The following ANAPC11 variants were observed in gnomAD, a reference collection of about 807,000 sequenced individuals.
The protein encoded by ANAPC11 is anaphase promoting complex subunit 11, also known as anaphase-promoting complex subunit 11.
Under a neutral mutation model 11.8 loss-of-function variants are expected in ANAPC11, and 5 were observed. That is an observed-to-expected ratio of 0.42 (90% CI 0.22 to 0.89). The LOEUF is 0.89. Among genes scored for constraint, ANAPC11 ranks in the 40% least tolerant of loss-of-function variants. The pLI is 0.28. For synonymous variants in ANAPC11, 45 were observed against 41.0 expected, an observed-to-expected ratio of 1.10 and a Z score of -0.38; for missense variants, 68 against 112.9, an observed-to-expected ratio of 0.60 and a Z score of 1.80.
At chr17:81,891,043 G>A, upstream of ANAPC11, 1 of 721,172 alleles carries the variant, frequency 1.4e-6, no homozygotes, top group Non-Finnish European at 2.2e-6. Context: ...CCCGCCGCCT[G>A]TGCCGCGCCC....
intron 3 of ANAPC11, chr17:81,899,642 G>A: frequency 1.5e-6 from 2 of 1,354,964 alleles, no homozygotes; most frequent in Middle Eastern, 5.1e-4. Context: ...GCTCCCCACT[G>A]AGCATGATGA....
At chr17:81,890,834 C>T, upstream of ANAPC11, 2 of 1,614,084 alleles carry the variant, frequency 1.2e-6, no homozygotes, top group Non-Finnish European at 1.7e-6. Context: ...AAAAAAAAAC[C>T]GCAACAAGAG....
chr17:81,894,873 A>G (rs1439541080), intron 3 of ANAPC11: 4 of 342,292 alleles, frequency 1.2e-5, no homozygotes, highest in South Asian at 1.8e-4. Flanking sequence ...ATGTGCCACC[A>G]TGCTGGGCTA....
At chr17:81,891,561 G>A (rs2039530554), upstream of ANAPC11, 2 of 1,438,678 alleles carry the variant, frequency 1.4e-6, no homozygotes, top group Non-Finnish European at 1.8e-6. Flanking sequence ...GTCGGCCATG[G>A]CGGGCGCGGA....
upstream of ANAPC11, chr17:81,890,900 C>T: frequency 1.3e-6 from 2 of 1,589,028 alleles, no homozygotes; most frequent in Non-Finnish European, 1.7e-6. Flanking sequence ...ACTCCGGACC[C>T]TTCCTCTTCC....
upstream of ANAPC11, chr17:81,891,422 C>A (rs1293386641): frequency 4.9e-6 from 5 of 1,022,626 alleles, no homozygotes; most frequent in Non-Finnish European, 4.7e-6. Context: ...GATTCACTCG[C>A]GCGGCGGCCT....
chr17:81,891,574 CG>C (rs2039531235), upstream of ANAPC11: 1 of 1,434,700 alleles, frequency 7.0e-7, no homozygotes, highest in East Asian at 3.3e-5. Context: ...GGCGCGGAAT[CG>C]GGCATCGGCT....
At chr17:81,899,231 C>T (rs2039850523) in intron 3 of ANAPC11, 3 of 1,609,116 alleles carry the variant, frequency 1.9e-6, no homozygotes, top group Non-Finnish European at 2.5e-6. Flanking sequence ...AAGCATCCCT[C>T]TCTGTGTCAG....
upstream of ANAPC11, chr17:81,891,048 G>A (rs2039514336): frequency 5.7e-6 from 4 of 707,420 alleles, no homozygotes; most frequent in African/African-American, 3.6e-5. Flanking sequence ...CGCCTGTGCC[G>A]CGCCCAGCGT....
At chr17:81,891,196 G>A (rs1183564511), upstream of ANAPC11, 4 of 245,220 alleles carry the variant, frequency 1.6e-5, no homozygotes, top group African/African-American at 2.0e-4. Flanking sequence ...CGCACCCTCC[G>A]GACCTCCGGG....
intron 3 of ANAPC11, chr17:81,894,923 G>T: frequency 4.3e-6 from 1 of 234,788 alleles, no homozygotes. Flanking sequence ...TTGCCTTGTT[G>T]GCTAGGCTGG....
chr17:81,897,428 C>G (rs958218087), intron 3 of ANAPC11, among the ~76,000 whole-genome samples: 1 of 152,136 alleles, frequency 6.6e-6, no homozygotes, highest in Non-Finnish European at 1.5e-5. Flanking sequence ...GCCACTGCAC[C>G]CGCCCCTGTC....
chr17:81,896,778 A>ACACTCATC (rs1567869905), intron 3 of ANAPC11, among the ~76,000 whole-genome samples: 1 of 129,546 alleles, frequency 7.7e-6, no homozygotes, highest in African/African-American at 2.9e-5. Flanking sequence ...GCATACCACC[A>ACACTCATC]CACTCATCTG....
At position 81,893,580 on chromosome 17, in the gene ANAPC11, C is replaced by G. The variant is rs541979011; in HGVS notation, c.-46C>G. 1 of 151,880 alleles carries G rather than the reference C, an allele frequency of 6.6e-6. No homozygotes were observed. Among genetic ancestry groups the G allele is most frequent in the Admixed American group, 6.6e-5 (1 of 15,238 alleles). 9.4% of individuals were successfully genotyped at this position (151,880 alleles called of 1,614,324 possible). On this transcript the variant is annotated 5_prime_UTR_variant, in exon 2 of 4. Transcript: ENST00000344877. ...CGGAGTTTCGTCATGTTGGCCAGGC[C>G]CATTTGAGATCTTTGAAGATATCCT...
rs775127831 is a variant in ANAPC11 at position 81,894,477 on chromosome 17, C to T, written c.-1C>T. 2 of 1,608,772 alleles carry T rather than the reference C, an allele frequency of 1.2e-6. No homozygotes were observed. The highest frequency in any genetic ancestry group is 1.3e-5 in the African/African-American group (1 of 74,686). On this transcript the variant is annotated 5_prime_UTR_variant, in exon 3 of 4. Coordinates refer to ENST00000344877, the MANE Select transcript of ANAPC11 (RefSeq NM_001002248.3). ...TTCCCTCCGCCGCAGGCTCTGCTGC[C>T]ATGAAGGTGAAGATTAAGTGCTGGA...
chr17:81,899,702 A>G (rs1436436627), intron 3 of ANAPC11: 41 of 1,002,280 alleles, frequency 4.1e-5, no homozygotes, highest in Admixed American at 2.3e-4. Flanking sequence ...TGGAGGCCGC[A>G]TGTCCGGTGT....
chr17:81,899,567 G>A (rs1353859155), intron 3 of ANAPC11: 4 of 1,604,660 alleles, frequency 2.5e-6, no homozygotes, highest in Non-Finnish European at 3.4e-6. Flanking sequence ...TTTTTCCCCA[G>A]CCTCAAGCAC....
chr17:81,894,224 G>A (rs2039652676), intron 2 of ANAPC11: 1 of 273,216 alleles, frequency 3.7e-6, no homozygotes, highest in African/African-American at 2.2e-5. Flanking sequence ...TACAGCCTGG[G>A]TGACAGAGTG....
intron 3 of ANAPC11, chr17:81,898,190 T>C (rs1000746761): frequency 6.6e-6 from 1 of 152,308 alleles, no homozygotes; most frequent in Non-Finnish European, 1.5e-5. Context: ...ATTCGACTTC[T>C]GGAGCAGCAG....
Sources: allele counts gnomAD v4.1 joint callset (sites outside exome capture counted in the v4.1 genomes callset), GRCh38; gene constraint gnomAD v4.1.1; transcripts MANE v1.5; gene names NCBI Gene and HGNC (gene_info 2026-07-23, HGNC 2026-07-21).